The following PTPN20 variants were observed in gnomAD, a reference collection of about 807,000 sequenced individuals.
The protein encoded by PTPN20 is protein tyrosine phosphatase non-receptor type 20.
PTPN20 carries 9 observed loss-of-function variants against 35.0 expected under a neutral mutation model. The ratio of observed to expected loss-of-function variants is 0.26; its 90% CI spans 0.15 to 0.45. The LOEUF is 0.45. Ranked by LOEUF, PTPN20 falls within the 20% of genes least tolerant of loss-of-function variation. PTPN20 has a pLI of 1.00. For synonymous variants in PTPN20, 32 were observed against 100.2 expected (o/e 0.32, Z 4.06); for missense variants, 111 against 312.5 (o/e 0.36, Z 4.86).
chr10:46,932,225 A>T (rs2039900190), intron 1 of PTPN20, among the ~76,000 whole-genome samples, 152 bp from the exon 2 acceptor site: 1 of 152,222 alleles, frequency 6.6e-6, no homozygotes, highest in Non-Finnish European at 1.5e-5. Context: ...GAATATCCTG[A>T]AATTATTTGA....
At chr10:46,924,833 TG>T (rs1204404360) in intron 1 of PTPN20, among the ~76,000 whole-genome samples, 1 of 119,688 alleles carries the variant, frequency 8.4e-6, no homozygotes, top group Non-Finnish European at 1.7e-5. Flanking sequence ...AATGCTTTTT[TG>T]CATCTATTGA....
At chr10:46,993,359 T>C (rs1018012853) in intron 9 of PTPN20, among the ~76,000 whole-genome samples, 35 of 152,188 alleles carry the variant, frequency 2.3e-4, no homozygotes, top group Admixed American at 2.0e-3. Flanking sequence ...CACCAGGAGA[T>C]CCACAGCACA....
intron 2 of PTPN20, among the ~76,000 whole-genome samples, chr10:46,936,135 T>C (rs2041565710): frequency 6.6e-6 from 1 of 152,028 alleles, no homozygotes; most frequent in South Asian, 2.1e-4. Flanking sequence ...CCTTTGCCCA[T>C]TTTTTAACAG....
At chr10:46,982,666 CAT>C (rs1467561204) in intron 7 of PTPN20, among the ~76,000 whole-genome samples, 1 of 149,702 alleles carries the variant, frequency 6.7e-6, no homozygotes, top group Non-Finnish European at 1.5e-5. Context: ...TTAATTTTCA[CAT>C]ATTTAATCTC....
chr10:46,937,973 A>G (rs1246601361), intron 2 of PTPN20, among the ~76,000 whole-genome samples: 4 of 140,844 alleles, frequency 2.8e-5, no homozygotes, highest in African/African-American at 1.1e-4. Context: ...TTTCTTAGAC[A>G]GAGTCTCACT....
At chr10:47,002,714 A>G (rs933283106), downstream of PTPN20, among the ~76,000 whole-genome samples, 13 of 152,050 alleles carry the variant, frequency 8.5e-5, no homozygotes, top group South Asian at 2.1e-4. Flanking sequence ...TTTTAAATAC[A>G]TATTTTTAAA....
chr10:46,936,428 A>G (rs1360189562), intron 2 of PTPN20, among the ~76,000 whole-genome samples: 1 of 152,096 alleles, frequency 6.6e-6, no homozygotes, highest in African/African-American at 2.4e-5. Flanking sequence ...TATCTATTCC[A>G]TAGCCTAGAA....
In PTPN20 at chr10:46,931,368, T is replaced by C. The variant is rs2039535691; in HGVS notation, c.-123-1009T>C. Among the ~76,000 whole-genome samples the C allele has an allele frequency of 2.8e-5, 4 of 141,796 alleles. No individual in the cohort carries two copies. In the South Asian group the frequency reaches 8.8e-4, roughly 31 times the overall value. The allele number at this position is 141,796 out of a possible 152,430, so 93.0% of individuals were successfully genotyped here. On this transcript the variant is annotated intron_variant, in intron 1 of 10. Transcript: ENST00000374339. Reference sequence around the variant, plus strand: ...TGACATTGAAGTGACATTCCACTTATCTTTTGCCTTACTTTCACATTTTAA... The same window carrying C: ...TGACATTGAAGTGACATTCCACTTACCTTTTGCCTTACTTTCACATTTTAA...
chr10:46,983,238 G>A (rs2056091778), intron 7 of PTPN20, among the ~76,000 whole-genome samples: 1 of 151,858 alleles, frequency 6.6e-6, no homozygotes, highest in Admixed American at 6.6e-5. Context: ...CACCGCGCCT[G>A]GCTGATTTTT....
At chr10:46,986,363 C>T (rs1307670850) in intron 8 of PTPN20, among the ~76,000 whole-genome samples, 2 of 146,706 alleles carry the variant, frequency 1.4e-5, no homozygotes, top group South Asian at 2.1e-4. Flanking sequence ...AAATTTCAGT[C>T]GACACTGTGG....
chr10:47,000,721 A>G lies in PTPN20; in HGVS notation c.1243A>G (p.Lys415Glu), dbSNP rs1321930534. 1.2e-6 allele frequency: 2 copies of G among 1,613,540 alleles called. No individual in the cohort carries two copies. Among genetic ancestry groups the G allele is most frequent in the Non-Finnish European group, 1.7e-6 (2 of 1,179,578 alleles). The change falls in exon 11 of 11, where the codon AAA becomes GAA. Residue 415 changes from lysine (K) to glutamate (E), a missense_variant. Around this residue, in one of 5 missense-constraint regions of PTPN20, gnomAD observed 61 missense variants for 54.3 expected, o/e 1.12. Coordinates refer to ENST00000374339, the MANE Select transcript of PTPN20 (RefSeq NM_001042357.5). ...CGATATTGTGCTTGAAGTTCTTCGG[A>G]AACTTCTGACTTTGGATTAAGAAAG... is the stretch of plus-strand genomic sequence containing the variant. ...CYDIVLEVLR[K>E]LLTLD is the part of the protein sequence containing the mutation.
intron 5 of PTPN20, among the ~76,000 whole-genome samples, chr10:46,957,208 CTT>C (rs1455668561): frequency 6.6e-6 from 1 of 151,552 alleles, no homozygotes; most frequent in East Asian, 1.9e-4. Context: ...TTACTTTTTG[CTT>C]TCCCCAGTTT....
At chr10:46,992,618 A>G (rs1555177674) in intron 9 of PTPN20, among the ~76,000 whole-genome samples, 1 of 151,700 alleles carries the variant, frequency 6.6e-6, no homozygotes, top group Non-Finnish European at 1.5e-5. Flanking sequence ...CAACTTTTTA[A>G]CTCTTGGATC....
At chr10:46,997,020 G>A (rs920443797) in intron 9 of PTPN20, among the ~76,000 whole-genome samples, 6 of 152,268 alleles carry the variant, frequency 3.9e-5, no homozygotes, top group Middle Eastern at 3.4e-3. Context: ...AAAACTTGCT[G>A]GGATTTGGAT....
At chr10:46,999,000 A>T (rs931494003) in intron 9 of PTPN20, among the ~76,000 whole-genome samples, 2 of 152,088 alleles carry the variant, frequency 1.3e-5, no homozygotes, top group Non-Finnish European at 2.9e-5. Flanking sequence ...GCTACTCAGG[A>T]GGTTGAGGAG....
intron 7 of PTPN20, among the ~76,000 whole-genome samples, chr10:46,980,113 C>T (rs2054907616): frequency 7.0e-6 from 1 of 143,384 alleles, no homozygotes; most frequent in Non-Finnish European, 1.5e-5. Context: ...TTCTAGAGGT[C>T]CAGTGTTGTG....
chr10:46,928,360 G>T (rs1452346457), intron 1 of PTPN20, among the ~76,000 whole-genome samples: 15,037 of 149,354 alleles, frequency 0.1, 750 homozygotes, highest in African/African-American at 0.23. Context: ...TATTTTAATT[G>T]AAGTACATTA....
chr10:46,990,864 AGTATATTCCAT>A, intron 9 of PTPN20, among the ~76,000 whole-genome samples: 1 of 5,282 alleles, frequency 1.9e-4, no homozygotes, highest in South Asian at 4.2e-3. Context: ...TCGATCTTAG[AGTATATTCCAT>A]GTGCAGATAA....
chr10:46,995,342 T>C (rs1253968929), intron 9 of PTPN20, among the ~76,000 whole-genome samples: 1 of 146,866 alleles, frequency 6.8e-6, no homozygotes, highest in Non-Finnish European at 1.5e-5. Context: ...TCTTTTTTTT[T>C]TTTTTTTTTT....
Sources: allele counts gnomAD v4.1 joint callset (sites outside exome capture counted in the v4.1 genomes callset), GRCh38; gene constraint gnomAD v4.1.1; regional missense constraint gnomAD v4.1.1; transcripts MANE v1.5; gene names NCBI Gene and HGNC (gene_info 2026-07-23, HGNC 2026-07-21).